The following HPCAL1 variants were observed in gnomAD, a reference collection of about 807,000 sequenced individuals.
The protein encoded by HPCAL1 is hippocalcin-like protein 1.
Under a neutral mutation model 17.1 loss-of-function variants are expected in HPCAL1, and 8 were observed. The ratio of observed to expected loss-of-function variants is 0.47; its 90% confidence interval spans 0.27 to 0.84. HPCAL1 has a LOEUF of 0.84. Among genes scored for constraint, HPCAL1 ranks in the 40% least tolerant of loss-of-function variants. HPCAL1 has a pLI of 0.13. For missense variants in HPCAL1, 165 were observed against 271.1 expected, an observed-to-expected ratio of 0.61 and a Z score of 2.75; for synonymous variants, 112 against 111.4, an observed-to-expected ratio of 1.01 and a Z score of -0.03.
At chr2:10,358,010 G>A (rs958143362) in intron 1 of HPCAL1, among the ~76,000 whole-genome samples, 1 of 152,226 alleles carries the variant, frequency 6.6e-6, no homozygotes, top group African/African-American at 2.4e-5. Flanking sequence ...CTGTCTGAAG[G>A]GTTCCTTTCC....
chr2:10,402,110 G>A (rs963872801), intron 2 of HPCAL1, among the ~76,000 whole-genome samples: 6 of 152,142 alleles, frequency 3.9e-5, no homozygotes, highest in African/African-American at 1.4e-4. Flanking sequence ...ATCTTGGCCA[G>A]GCTGGTCTTG....
chr2:10,400,573 A>G (rs557367897), intron 2 of HPCAL1, among the ~76,000 whole-genome samples: 8 of 152,306 alleles, frequency 5.3e-5, no homozygotes, highest in African/African-American at 1.9e-4. Flanking sequence ...GACGCTGGTC[A>G]TGAGGCAGGG....
intron 3 of HPCAL1, among the ~76,000 whole-genome samples, chr2:10,420,607 G>A (rs1430338860): frequency 2.0e-5 from 3 of 152,158 alleles, no homozygotes; most frequent in Non-Finnish European, 4.4e-5. Context: ...CCTTGCAAAG[G>A]GCAATGGTAA....
intron 4 of HPCAL1, chr2:10,425,276 ACT>A (rs1283050216): frequency 1.3e-5 from 2 of 152,394 alleles, no homozygotes; most frequent in Admixed American, 6.5e-5. Context: ...GTGGGGAGCC[ACT>A]CTCTCCATTG....
chr2:10,308,339 T>C (rs1662752549), intron 1 of HPCAL1, among the ~76,000 whole-genome samples: 1 of 152,178 alleles, frequency 6.6e-6, no homozygotes, highest in Non-Finnish European at 1.5e-5. Context: ...AGTAAATTAA[T>C]AGAGTTCATA....
intron 1 of HPCAL1, among the ~76,000 whole-genome samples, chr2:10,321,691 G>A (rs919993522): frequency 1.3e-5 from 2 of 152,126 alleles, no homozygotes; most frequent in African/African-American, 4.8e-5. Context: ...TGCCACTTCT[G>A]GACATTTTAT....
chr2:10,357,904 C>T (rs1465584422), intron 1 of HPCAL1, among the ~76,000 whole-genome samples: 1 of 152,212 alleles, frequency 6.6e-6, no homozygotes, highest in East Asian at 1.9e-4. Context: ...GGGGCCACAC[C>T]TGGCCTACCC....
At chr2:10,418,038 AAAAT>A (rs1293496308) in intron 2 of HPCAL1, among the ~76,000 whole-genome samples, 4 of 152,100 alleles carry the variant, frequency 2.6e-5, no homozygotes, top group Admixed American at 6.6e-5. Flanking sequence ...CCTGTCTCAA[AAAAT>A]AAATAAATAA....
Position 10,396,882 on chromosome 2 carries a change from G to C in HPCAL1, c.-63G>C, listed in dbSNP as rs1310616062. The C allele has an allele frequency of 6.6e-6, 1 of 152,310 alleles. No individual in the cohort carries two copies. Among genetic ancestry groups the C allele is most frequent in the Non-Finnish European group, 1.5e-5 (1 of 68,114 alleles). The allele number at this position is 152,310 out of a possible 1,614,324, so 9.4% of individuals were successfully genotyped here. A position where few individuals can be genotyped will look rare whatever the true frequency, so the allele number is the denominator to read the frequency against. On this transcript the variant is annotated 5_prime_UTR_variant, in exon 2 of 5. Transcript: ENST00000307845. ...CAGGACGCGGAAACACTCCCTGGAG[G>C]TTCTGACCCACTCCCTCTCAGCCTC...
At chr2:10,397,770 C>T (rs1007726118) in intron 2 of HPCAL1, among the ~76,000 whole-genome samples, 6 of 152,188 alleles carry the variant, frequency 3.9e-5, no homozygotes, top group South Asian at 2.1e-4. Context: ...GGGCTGCCCT[C>T]GGGTCTGGAG....
chr2:10,334,677 T>C (rs1025831767), intron 1 of HPCAL1, among the ~76,000 whole-genome samples: 2 of 150,904 alleles, frequency 1.3e-5, no homozygotes, highest in Non-Finnish European at 2.9e-5. Flanking sequence ...TGTTAACTGC[T>C]GTATACAATT....
intron 4 of HPCAL1, chr2:10,424,369 C>A: frequency 2.5e-6 from 1 of 405,162 alleles, no homozygotes; most frequent in South Asian, 1.8e-5. Context: ...TCCAGCCTAG[C>A]AGGGCACCTG....
At chr2:10,333,192 A>G (rs1664497156) in intron 1 of HPCAL1, among the ~76,000 whole-genome samples, 1 of 152,246 alleles carries the variant, frequency 6.6e-6, no homozygotes, top group South Asian at 2.1e-4. Context: ...AAAGTTTACT[A>G]ATTTCCCTAC....
In HPCAL1 at chr2:10,377,308, C is replaced by A. The variant is rs1667633005; in HGVS notation, c.-110-19527C>A. On this transcript the variant is annotated intron_variant, in intron 1 of 4. Transcript: ENST00000307845. The surrounding 1 kb of genome is among the most constrained non-coding windows in gnomAD (Gnocchi z 5.9). ...ATGCAACCCTGCCCCCGAGCCAGGC[C>A]CCAGGCTGCACCTTTCCACTGCTTC... 6.6e-6 allele frequency among the ~76,000 whole-genome samples: 1 copy of A among 152,204 alleles called. No individual in the cohort carries two copies. The highest frequency in any genetic ancestry group is 1.5e-5 in the Non-Finnish European group (1 of 68,036).
At chr2:10,368,718 G>C (rs1198475757) in intron 1 of HPCAL1, 2 of 152,258 alleles carry the variant, frequency 1.3e-5, no homozygotes, top group African/African-American at 4.8e-5. Flanking sequence ...TCAGCACAGC[G>C]CCGGGCACCG....
At chr2:10,378,448 T>C (rs893733720) in intron 1 of HPCAL1, among the ~76,000 whole-genome samples, 1 of 151,986 alleles carries the variant, frequency 6.6e-6, no homozygotes, top group African/African-American at 2.4e-5. Context: ...CATACTCAGC[T>C]CTGGAGGCGG....
At chr2:10,338,432 C>T (rs368702995) in intron 1 of HPCAL1, among the ~76,000 whole-genome samples, 29 of 152,264 alleles carry the variant, frequency 1.9e-4, no homozygotes, top group African/African-American at 6.5e-4. Flanking sequence ...GATTGCATAA[C>T]CTCGTTGAGT....
chr2:10,350,588 C>T (rs1326601771), intron 1 of HPCAL1, among the ~76,000 whole-genome samples: 1 of 152,056 alleles, frequency 6.6e-6, no homozygotes, highest in East Asian at 1.9e-4. Flanking sequence ...TAGTAAGCCA[C>T]CACACCCAGC....
rs914258906 is a variant in HPCAL1, at chr2:10,382,723, G to A, written c.-110-14112G>A. ...TCTATGAGGTTCTGGATGAGAAGCC[G>A]CATGCACCACCCCCTCCCTGCTCCC... On this transcript the variant is annotated intron_variant, in intron 1 of 4. Coordinates refer to ENST00000307845, the MANE Select transcript of HPCAL1 (RefSeq NM_002149.4). Among the ~76,000 whole-genome samples, 18 of 146,606 alleles carry A rather than the reference G, an allele frequency of 1.2e-4. No homozygotes were observed. The East Asian group carries it at 3.4e-3, about 28-fold the overall frequency.
Sources: gnomAD v4.1 joint callset for allele counts (sites outside exome capture counted in the v4.1 genomes callset) on GRCh38, gnomAD v4.1.1 for gene constraint, Gnocchi (gnomAD v3.1) non-coding constraint, MANE v1.5 for transcripts, NCBI Gene and HGNC (gene_info 2026-07-23, HGNC 2026-07-21) for gene names.